The following DLAT variants were observed in gnomAD, a reference collection of about 807,000 sequenced individuals.
DLAT encodes dihydrolipoyllysine-residue acetyltransferase component of pyruvate dehydrogenase complex, mitochondrial.
Under a neutral mutation model 68.0 loss-of-function variants are expected in DLAT, and 43 were observed. That is an observed-to-expected ratio of 0.63 (90% CI 0.50 to 0.81). The LOEUF is 0.81. Ranked by LOEUF, DLAT falls within the 40% of genes least tolerant of loss-of-function variation. The pLI is 0.00. For synonymous variants in DLAT, 265 were observed against 288.6 expected, an observed-to-expected ratio of 0.92 and a Z score of 0.83; for missense variants, 745 against 815.4, an observed-to-expected ratio of 0.91 and a Z score of 1.05.
Position 112,033,452 on chromosome 11 carries a change from A to G in DLAT, c.709A>G (p.Arg237Gly), listed in dbSNP as rs1862526399. ...SPTMTMGTVQRWEKKVGEKLS... is the reference protein window; with the variant it reads ...SPTMTMGTVQGWEKKVGEKLS... ...CACCATGACCATGGGCACAGTTCAG[A>G]GATGGGAAAAAAAAGTGGGTGAGAA... The change falls in exon 5 of 14, where the codon AGA becomes GGA. Residue 237 changes from arginine (R) to glycine (G), a missense_variant. Transcript: ENST00000280346. 1.2e-6 allele frequency: 2 copies of G among 1,613,926 alleles called. No individual in the cohort carries two copies. Among genetic ancestry groups the G allele is most frequent in the Non-Finnish European group, 1.7e-6 (2 of 1,179,926 alleles).
chr11:112,045,922 C>T lies in DLAT; in HGVS notation c.1350C>T (p.Ile450=), dbSNP rs587724011. The T allele has an allele frequency of 3.7e-6, 6 of 1,611,944 alleles. No homozygotes were observed. Among genetic ancestry groups the T allele is most frequent in the East Asian group, 2.2e-5 (1 of 44,822 alleles). Residue 450 remains isoleucine, a synonymous_variant, in exon 10 of 14, where the codon ATC becomes ATT. Transcript: ENST00000280346. ...KQTIPHYYLS[I]DVNMGEVLLV... Reference sequence around the variant, plus strand: ...CCATACCTCATTATTACCTTTCTATCGATGTAAATATGGGAGAAGTTTTGT... The same window carrying T: ...CCATACCTCATTATTACCTTTCTATTGATGTAAATATGGGAGAAGTTTTGT...
Position 112,028,882 on chromosome 11 carries a change from C to T in DLAT, c.597C>T (p.Ala199=), listed in dbSNP as rs1555179703. Residue 199 remains alanine, a synonymous_variant, in exon 4 of 14, where the codon GCC becomes GCT. Coordinates refer to ENST00000280346, the MANE Select transcript of DLAT (RefSeq NM_001931.5). ...PQAAPAPTPA[A]TASPPTPSAQ... Reference sequence around the variant, plus strand: ...CGGCCCCAGCACCAACCCCTGCTGCCACTGCTTCGCCACCTACACCTTCTG... The same window carrying T: ...CGGCCCCAGCACCAACCCCTGCTGCTACTGCTTCGCCACCTACACCTTCTG... 8 of 1,614,044 alleles carry T rather than the reference C, an allele frequency of 5.0e-6. No individual in the cohort carries two copies. Among genetic ancestry groups the T allele is most frequent in the Non-Finnish European group, 6.8e-6 (8 of 1,180,002 alleles).
chr11:112,046,487 T>G (rs1863324325), intron 10 of DLAT, among the ~76,000 whole-genome samples: 1 of 152,150 alleles, frequency 6.6e-6, no homozygotes, highest in African/African-American at 2.4e-5. Flanking sequence ...TTATTATACT[T>G]TAAGTTCTGG....
intron 2 of DLAT, among the ~76,000 whole-genome samples, chr11:112,027,009 C>T (rs1186275282): frequency 6.6e-6 from 1 of 151,594 alleles, no homozygotes; most frequent in Non-Finnish European, 1.5e-5. Flanking sequence ...CACCACCTCC[C>T]TCCCAGACGG....
At chr11:112,036,235 C>CG (rs1232098400) in intron 5 of DLAT, among the ~76,000 whole-genome samples, 4 of 31,134 alleles carry the variant, frequency 1.3e-4, no homozygotes, top group Admixed American at 1.0e-3. Context: ...TTTTTTGAGA[C>CG]GGAGTTTCGC....
intron 13 of DLAT, chr11:112,061,403 C>G (rs980109635): frequency 1.9e-6 from 1 of 517,530 alleles, no homozygotes; most frequent in East Asian, 3.5e-5. Context: ...GCACTTCATT[C>G]ACATGGATCC....
At chr11:112,049,980 A>G (rs1422797196) in intron 10 of DLAT, among the ~76,000 whole-genome samples, 1 of 152,130 alleles carries the variant, frequency 6.6e-6, no homozygotes, top group Non-Finnish European at 1.5e-5. Flanking sequence ...TCTTTGGGAG[A>G]ATAAGTCTTT....
At chr11:112,034,849 C>T (rs1555180269) in intron 5 of DLAT, among the ~76,000 whole-genome samples, 1 of 151,180 alleles carries the variant, frequency 6.6e-6, no homozygotes, top group East Asian at 2.0e-4. Flanking sequence ...TCTTGGCTTA[C>T]TGCAGCCTCC....
intron 11 of DLAT, among the ~76,000 whole-genome samples, chr11:112,052,630 C>T (rs1351825931): frequency 6.6e-6 from 1 of 152,126 alleles, no homozygotes; most frequent in Non-Finnish European, 1.5e-5. Context: ...TCCAGCACTT[C>T]CACAGTTCAG....
chr11:112,046,916 C>G (rs1863352103), intron 10 of DLAT, among the ~76,000 whole-genome samples: 1 of 152,142 alleles, frequency 6.6e-6, no homozygotes, highest in African/African-American at 2.4e-5. Flanking sequence ...GGGAACAGTG[C>G]TGCAGTAAAC....
intron 8 of DLAT, among the ~76,000 whole-genome samples, chr11:112,044,641 A>G (rs1863214858): frequency 6.6e-6 from 1 of 152,168 alleles, no homozygotes; most frequent in South Asian, 2.1e-4. Flanking sequence ...AATGACACTT[A>G]AAACATGACT....
intron 7 of DLAT, among the ~76,000 whole-genome samples, chr11:112,040,996 G>T (rs1357105304): frequency 1.3e-5 from 2 of 150,660 alleles, no homozygotes; most frequent in East Asian, 2.0e-4. Flanking sequence ...AAATATCATC[G>T]ACTGCTATCT....
At chr11:112,062,269 G>A in intron 13 of DLAT, 137 bp from the exon 14 acceptor site, 1 of 921,676 alleles carries the variant, frequency 1.1e-6, no homozygotes, top group Admixed American at 2.3e-5. Context: ...TTGAGCTAAA[G>A]GTATAGGAGA....
At chr11:112,028,178 T>C (rs1862183840) in intron 2 of DLAT, among the ~76,000 whole-genome samples, 1 of 152,154 alleles carries the variant, frequency 6.6e-6, no homozygotes, top group Non-Finnish European at 1.5e-5. Context: ...TCTGTCGTAG[T>C]GGCCTTATCT....
intron 13 of DLAT, among the ~76,000 whole-genome samples, chr11:112,061,950 T>A (rs187592269): frequency 1.5e-4 from 23 of 152,256 alleles, no homozygotes; most frequent in Non-Finnish European, 2.4e-4. Flanking sequence ...TATATATATA[T>A]AAAAAATACG....
intron 3 of DLAT, 41 bp downstream of exon 3, chr11:112,028,680 G>A (rs782072970): frequency 3.1e-6 from 5 of 1,613,990 alleles, no homozygotes; most frequent in South Asian, 1.1e-5. Flanking sequence ...TCATTGCTTG[G>A]TGGAGTATTT....
At chr11:112,062,014 A>C (rs1555183322) in intron 13 of DLAT, among the ~76,000 whole-genome samples, 1 of 152,242 alleles carries the variant, frequency 6.6e-6, no homozygotes, top group East Asian at 1.9e-4. Flanking sequence ...TTTGAGGTGG[A>C]AAGCCTTATT....
rs915264510 is a variant in DLAT, at chr11:112,051,829, G to A, written c.1514+480G>A. ...GTTGATAATGACTGTCACAAAGCAG[G>A]GTTAAACAGATGATTTTCATTCTCC... On this transcript the variant is annotated intron_variant, in intron 11 of 13. Coordinates refer to ENST00000280346, the MANE Select transcript of DLAT (RefSeq NM_001931.5). The surrounding 1 kb of genome is among the most constrained non-coding windows in gnomAD (Gnocchi z 4.3). Among the ~76,000 whole-genome samples the A allele has an allele frequency of 6.6e-6, 1 of 152,066 alleles. No individual in the cohort carries two copies. Among genetic ancestry groups the A allele is most frequent in the Non-Finnish European group, 1.5e-5 (1 of 68,024 alleles).
At chr11:112,062,257 A>T (rs1221319045) in intron 13 of DLAT, 149 bp from the exon 14 acceptor site, 1 of 818,374 alleles carries the variant, frequency 1.2e-6, no homozygotes, top group Non-Finnish European at 1.9e-6. Flanking sequence ...CAAGCTATAA[A>T]TTTGAGCTAA....
Sources: allele counts gnomAD v4.1 joint callset (sites outside exome capture counted in the v4.1 genomes callset), GRCh38; gene constraint gnomAD v4.1.1; non-coding constraint Gnocchi (gnomAD v3.1); transcripts MANE v1.5; gene names NCBI Gene and HGNC (gene_info 2026-07-23, HGNC 2026-07-21).